ADCY2: variants seen among roughly 807,000 people sequenced by gnomAD.
ADCY2 encodes the protein adenylate cyclase 2.
A neutral mutation model predicts 125.2 loss-of-function variants in ADCY2; 31 were observed. The observed-to-expected ratio is 0.25, with a 90% CI of 0.19 to 0.33. ADCY2 has a LOEUF of 0.33. Ranked by LOEUF, ADCY2 falls within the 10% of genes least tolerant of loss-of-function variation. The pLI is 1.00. For synonymous variants in ADCY2, 512 were observed against 548.4 expected, an observed-to-expected ratio of 0.93 and a Z score of 0.93; for missense variants, 904 against 1,418.2, an observed-to-expected ratio of 0.64 and a Z score of 5.82.
chr5:7,702,968 C>A (rs1022741781), intron 7 of ADCY2, among the ~76,000 whole-genome samples: 17 of 152,244 alleles, frequency 1.1e-4, no homozygotes, highest in African/African-American at 4.1e-4. Flanking sequence ...TTACATTTCT[C>A]TGATGGCCAG....
intron 3 of ADCY2, among the ~76,000 whole-genome samples, chr5:7,594,612 G>A (rs562625926): frequency 1.3e-5 from 2 of 152,286 alleles, no homozygotes; most frequent in Admixed American, 1.3e-4. Flanking sequence ...TAATTAATGA[G>A]TTTATGCATT....
chr5:7,464,941 T>C (rs1742048500), intron 2 of ADCY2, among the ~76,000 whole-genome samples: 1 of 152,152 alleles, frequency 6.6e-6, no homozygotes, highest in South Asian at 2.1e-4. Context: ...TCTATGTGGC[T>C]ATGGAGGCCT....
intron 15 of ADCY2, among the ~76,000 whole-genome samples, chr5:7,747,297 T>A (rs1742657360): frequency 6.6e-6 from 1 of 152,258 alleles, no homozygotes; most frequent in African/African-American, 2.4e-5. Context: ...CTGTGTCACG[T>A]AGCTTAGCCT....
chr5:7,706,729 T>C lies in ADCY2; in HGVS notation c.1110-15T>C, dbSNP rs764461989. 1.9e-5 allele frequency: 30 copies of C among 1,613,488 alleles called. No individual in the cohort carries two copies. The highest frequency in any genetic ancestry group is 1.3e-4 in the Admixed American group (8 of 59,986). On this transcript the variant is annotated splice_polypyrimidine_tract_variant and intron_variant, in intron 7 of 24. Coordinates refer to ENST00000338316, the MANE Select transcript of ADCY2 (RefSeq NM_020546.3). ...GGATGTTACTTGATCATGATCTTAC[T>C]TCCCTTCTCTTTAGGAAAGTGAGGG...
At chr5:7,400,953 A>G (rs964421045) in intron 1 of ADCY2, among the ~76,000 whole-genome samples, 1 of 152,248 alleles carries the variant, frequency 6.6e-6, no homozygotes, top group African/African-American at 2.4e-5. Context: ...GTATGATTAA[A>G]TATATACATG....
intron 15 of ADCY2, among the ~76,000 whole-genome samples, chr5:7,754,246 G>A (rs544966851): frequency 1.3e-5 from 2 of 152,192 alleles, no homozygotes; most frequent in Non-Finnish European, 2.9e-5. Context: ...TAGCATATTT[G>A]ACAAGATTAT....
intron 3 of ADCY2, among the ~76,000 whole-genome samples, chr5:7,572,232 C>A (rs868441625): frequency 5.9e-5 from 9 of 152,138 alleles, no homozygotes; most frequent in Admixed American, 5.9e-4. Flanking sequence ...TGAACATCAT[C>A]TTCCACAATG....
chr5:7,675,505 G>A (rs933842412), intron 4 of ADCY2, among the ~76,000 whole-genome samples: 3 of 152,202 alleles, frequency 2.0e-5, no homozygotes, highest in Admixed American at 2.0e-4. Context: ...TCCTAATTCA[G>A]AGAAAAGAAG....
intron 2 of ADCY2, among the ~76,000 whole-genome samples, chr5:7,518,066 T>A (rs1473557520): frequency 6.6e-6 from 1 of 152,144 alleles, no homozygotes; most frequent in Non-Finnish European, 1.5e-5. Flanking sequence ...AACACAGAGA[T>A]TCCAAAATAA....
chr5:7,801,970 T>C (rs1487647006), intron 20 of ADCY2: 1 of 441,956 alleles, frequency 2.3e-6, no homozygotes, highest in Non-Finnish European at 4.0e-6. Context: ...CAAGTCAATA[T>C]GACAGAGAGG....
At chr5:7,433,830 T>C (rs1740698051) in intron 2 of ADCY2, among the ~76,000 whole-genome samples, 1 of 152,126 alleles carries the variant, frequency 6.6e-6, no homozygotes, top group South Asian at 2.1e-4. Flanking sequence ...ACTTGATACA[T>C]TTAAAAAATG....
intron 20 of ADCY2, chr5:7,797,836 C>CT (rs72529712): frequency 0.91 from 138,666 of 152,322 alleles, 64,235 homozygotes; most frequent in East Asian, 1. Flanking sequence ...CACTTCCAGC[C>CT]TGTGAACAGG....
chr5:7,564,497 G>T (rs1341893928), intron 3 of ADCY2, among the ~76,000 whole-genome samples: 2 of 152,104 alleles, frequency 1.3e-5, no homozygotes, highest in African/African-American at 4.8e-5. Context: ...GGGAGGCATG[G>T]AGAGGGTGAC....
At chr5:7,597,782 C>G (rs930829182) in intron 3 of ADCY2, among the ~76,000 whole-genome samples, 1 of 152,108 alleles carries the variant, frequency 6.6e-6, no homozygotes, top group Non-Finnish European at 1.5e-5. Flanking sequence ...GAGACCCTGC[C>G]TCAAAAACAA....
chr5:7,802,148 C>T lies in ADCY2; in HGVS notation c.2629-70C>T, dbSNP rs1744616654. The stretch of plus-strand genomic sequence containing the variant: ...TGTGAATCCTGGCATAAACAAGCCA[C>T]TTGCCTGTGGAGTGTTTCTGTTTAA... On this transcript the variant is annotated intron_variant, in intron 20 of 24. Coordinates refer to ENST00000338316, the MANE Select transcript of ADCY2 (RefSeq NM_020546.3). The surrounding 1 kb of genome is among the most constrained non-coding windows in gnomAD (Gnocchi z 4.6). 6.4e-7 allele frequency: 1 copy of T among 1,552,946 alleles called. No homozygotes were observed. Among genetic ancestry groups the T allele is most frequent in the Admixed American group, 1.8e-5 (1 of 55,490 alleles).
At chr5:7,462,110 C>T (rs1741938067) in intron 2 of ADCY2, among the ~76,000 whole-genome samples, 1 of 152,166 alleles carries the variant, frequency 6.6e-6, no homozygotes, top group Non-Finnish European at 1.5e-5. Flanking sequence ...CACTCCTTCT[C>T]CTTTAAATAG....
intron 3 of ADCY2, among the ~76,000 whole-genome samples, chr5:7,555,556 G>T (rs927233579): frequency 6.6e-6 from 1 of 152,174 alleles, no homozygotes; most frequent in Non-Finnish European, 1.5e-5. Flanking sequence ...AAATATAATT[G>T]TATATGTCCA....
At chr5:7,608,638 T>C (rs2126641672) in intron 3 of ADCY2, among the ~76,000 whole-genome samples, 1 of 152,250 alleles carries the variant, frequency 6.6e-6, no homozygotes, top group Non-Finnish European at 1.5e-5. Context: ...TCTATTAGAC[T>C]CCCTCCTAAG....
chr5:7,520,574 T>A (rs1744404830), intron 2 of ADCY2, among the ~76,000 whole-genome samples, 164 bp from the exon 3 acceptor site: 1 of 152,246 alleles, frequency 6.6e-6, no homozygotes, highest in South Asian at 2.1e-4. Context: ...GTTATTGTAA[T>A]CCAGTGGACT....
Sources: allele counts gnomAD v4.1 joint callset (sites outside exome capture counted in the v4.1 genomes callset), GRCh38; gene constraint gnomAD v4.1.1; non-coding constraint Gnocchi (gnomAD v3.1); transcripts MANE v1.5; gene names NCBI Gene and HGNC (gene_info 2026-07-23, HGNC 2026-07-21).